The following RBM5 variants were observed in gnomAD, a reference collection of about 807,000 sequenced individuals.
RBM5 encodes RNA binding motif protein 5, also known as RNA-binding protein 5.
A neutral mutation model predicts 124.6 loss-of-function variants in RBM5; 15 were observed. The observed-to-expected ratio is 0.12, with a 90% CI of 0.08 to 0.19. RBM5 has a LOEUF of 0.19. Among genes scored for constraint, RBM5 ranks in the 10% least tolerant of loss-of-function variants. The probability of loss-of-function intolerance (pLI) is 1.00; values close to 1 mark genes in which losing one functional copy is unlikely to be tolerated. For synonymous variants in RBM5, 337 were observed against 361.2 expected, an observed-to-expected ratio of 0.93 and a Z score of 0.76; for missense variants, 580 against 1,026.5, an observed-to-expected ratio of 0.57 and a Z score of 5.94.
intron 8 of RBM5, chr3:50,104,562 G>A (rs769473661): frequency 3.0e-5 from 13 of 438,110 alleles, no homozygotes; most frequent in Non-Finnish European, 4.6e-5. Context: ...AGGATTGCTT[G>A]AGTCCAGGAG....
rs147443805 is a variant in RBM5 at position 50,106,024 on chromosome 3, A to C, written c.855+315A>C. Among the ~76,000 whole-genome samples, 386 of 147,394 alleles carry C rather than the reference A, an allele frequency of 2.6e-3. 1 individual carries two copies. Among genetic ancestry groups the C allele is most frequent in the African/African-American group, 9.4e-3 (375 of 39,780 alleles). ...CTGGAGTGCGGTGGCACCATCTCGG[A>C]TCACTGCAACCTCTGCCTCCAGGGT... is the stretch of plus-strand genomic sequence containing the variant. On this transcript the variant is annotated intron_variant, in intron 10 of 24. Transcript: ENST00000347869.
At chr3:50,112,060 CTTTTTTTTTTTT>C (rs78447913) in intron 17 of RBM5, 1 of 107,798 alleles carries the variant, frequency 9.3e-6, no homozygotes, top group African/African-American at 3.4e-5. Flanking sequence ...CCTGTCAGTT[CTTTTTTTTTTTT>C]TTTTTTTTTC....
Position 50,115,968 on chromosome 3 carries a change from A to C in RBM5, c.2082A>C (p.Leu694=). ...AGCAGGAGCTGGAAGCCTTGGAGCT[A>C]AGGGAGAGAGAGGTGAATGGGAAAC... ...LSEQELEALE[L]REREMKYRDR... The change falls in exon 22 of 25, where the codon CTA becomes CTC. Residue 694 remains leucine (L), a synonymous_variant. Coordinates refer to ENST00000347869, the MANE Select transcript of RBM5 (RefSeq NM_005778.4). 6.2e-7 allele frequency: 1 copy of C among 1,613,084 alleles called. No homozygotes were observed. The highest frequency in any genetic ancestry group is 8.5e-7 in the Non-Finnish European group (1 of 1,179,054).
Position 50,108,131 on chromosome 3 carries a change from A to G in RBM5, c.1103A>G (p.Tyr368Cys). The G allele has an allele frequency of 1.2e-6, 2 of 1,610,252 alleles. No homozygotes were observed. Among genetic ancestry groups the G allele is most frequent in the Non-Finnish European group, 1.7e-6 (2 of 1,176,482 alleles). ...YSYLQPGQDG[Y>C]AQYAQYSQDY... ...TATCTGCAACCAGGTCAAGATGGCT[A>G]TGCCCAATATGCTCAGGTAGGTAGA... The change falls in exon 13 of 25, where the codon TAT becomes TGT. Residue 368 changes from tyrosine to cysteine, a missense_variant. This residue lies in a region of RBM5 where 104 missense variants were observed against 128.7 expected (regional missense o/e 0.81). Coordinates refer to ENST00000347869, the MANE Select transcript of RBM5 (RefSeq NM_005778.4).
chr3:50,108,128 G>T lies in RBM5; in HGVS notation c.1100G>T (p.Gly367Val), dbSNP rs752261635. 6.2e-7 allele frequency: 1 copy of T among 1,610,942 alleles called. No homozygotes were observed. The highest frequency in any genetic ancestry group is 1.1e-5 in the South Asian group (1 of 91,008). ...AGTTATCTGCAACCAGGTCAAGATGGCTATGCCCAATATGCTCAGGTAGGT... is the reference window on the plus strand; with the variant it reads ...AGTTATCTGCAACCAGGTCAAGATGTCTATGCCCAATATGCTCAGGTAGGT... ...DYSYLQPGQD[G>V]YAQYAQYSQD... The change falls in exon 13 of 25, where the codon GGC becomes GTC. Residue 367 changes from glycine to valine, a missense_variant. Transcript: ENST00000347869.
In RBM5 at chr3:50,113,993, A is replaced by T; in HGVS notation, c.1661A>T (p.Gln554Leu). The part of the protein sequence containing the change: ...MERWAKSLNK[Q>L]KENFKNSFQP... ...CGCTGGGCTAAGAGTTTGAATAAGC[A>T]GAAAGAAAACTTTAAAAATAGCTTT... Residue 554 changes from glutamine to leucine, a missense_variant, in exon 19 of 25, where the codon CAG becomes CTG. Transcript: ENST00000347869. The T allele has an allele frequency of 6.2e-7, 1 of 1,614,214 alleles. No individual in the cohort carries two copies. Among genetic ancestry groups the T allele is most frequent in the African/African-American group, 1.3e-5 (1 of 75,068 alleles).
chr3:50,096,215 A>G (rs2090811598), intron 4 of RBM5, among the ~76,000 whole-genome samples: 1 of 151,886 alleles, frequency 6.6e-6, no homozygotes, highest in African/African-American at 2.4e-5. Flanking sequence ...GAGGCCGAGT[A>G]TGGTAACTCA....
At chr3:50,113,757 A>T (rs1159447513) in intron 18 of RBM5, among the ~76,000 whole-genome samples, 193 bp from the exon 19 acceptor site, 2 of 152,238 alleles carry the variant, frequency 1.3e-5, no homozygotes, top group Non-Finnish European at 2.9e-5. Context: ...TGGAAATCTC[A>T]AAGCTTTTCA....
In RBM5 at chr3:50,118,393, C is replaced by G. The variant is rs139773311; in HGVS notation, c.2385C>G (p.Gly795=). 1 of 1,614,062 alleles carries G rather than the reference C, an allele frequency of 6.2e-7. No individual in the cohort carries two copies. Among genetic ancestry groups the G allele is most frequent in the Non-Finnish European group, 8.5e-7 (1 of 1,180,016 alleles). The part of the protein sequence containing the change: ...GAKGSAYGLS[G]ADSYKDAVRK... The stretch of plus-strand genomic sequence containing the variant: ...AAGGCAGCGCATATGGTTTGTCGGG[C>G]GCCGATTCCTACAAAGATGCTGTCC... Residue 795 remains glycine (G), a synonymous_variant, in exon 25 of 25, where the codon GGC becomes GGG. Transcript: ENST00000347869.
chr3:50,090,395 T>G lies in RBM5; in HGVS notation c.-40T>G. ...CTTGTCTCCTAGAAAAAATAAAATT[T>G]GAACCTTTTGGAGCTGTGTGCTAAA... is the stretch of plus-strand genomic sequence containing the variant. On this transcript the variant is annotated 5_prime_UTR_variant, in exon 2 of 25. Coordinates refer to ENST00000347869, the MANE Select transcript of RBM5 (RefSeq NM_005778.4). 6.2e-7 allele frequency: 1 copy of G among 1,611,910 alleles called. No homozygotes were observed. The highest frequency in any genetic ancestry group is 8.5e-7 in the Non-Finnish European group (1 of 1,179,080).
chr3:50,117,193 C>T lies in RBM5; in HGVS notation c.2192+22C>T, dbSNP rs373446936. ...CTGTGTATGTGATGTGCACATTTTC[C>T]AGTTCGTAAGCTGGGGCCCTGGCTG... On this transcript the variant is annotated intron_variant, in intron 23 of 24. Coordinates refer to ENST00000347869, the MANE Select transcript of RBM5 (RefSeq NM_005778.4). The surrounding 1 kb of genome is among the most constrained non-coding windows in gnomAD (Gnocchi z 4.2). The T allele has an allele frequency of 3.7e-6, 6 of 1,614,188 alleles. No individual in the cohort carries two copies. The highest frequency in any genetic ancestry group is 5.1e-6 in the Non-Finnish European group (6 of 1,180,034).
rs1194661311 is a variant in RBM5, at chr3:50,117,691, G to C, written c.2322+312G>C. On this transcript the variant is annotated intron_variant, in intron 24 of 24. Transcript: ENST00000347869. The surrounding 1 kb of genome is among the most constrained non-coding windows in gnomAD (Gnocchi z 4.2). The stretch of plus-strand genomic sequence containing the variant: ...AGCTAGTCAGGAAGCTGAGGCAGGA[G>C]AATTGCTAGAACCTGGCAGGAGGAG... The C allele has an allele frequency of 4.5e-6, 1 of 223,852 alleles. No homozygotes were observed. The highest frequency in any genetic ancestry group is 9.0e-6 in the Non-Finnish European group (1 of 111,078). 13.9% of individuals were successfully genotyped at this position (223,852 alleles called of 1,614,324 possible).
At chr3:50,111,245 A>T (rs2109013453) in intron 17 of RBM5, among the ~76,000 whole-genome samples, 1 of 152,340 alleles carries the variant, frequency 6.6e-6, no homozygotes. Context: ...TTTAGAGTGT[A>T]CAAATCAGTG....
intron 6 of RBM5, chr3:50,101,919 TA>T (rs1316077857): frequency 6.6e-6 from 1 of 152,220 alleles, no homozygotes; most frequent in African/African-American, 2.4e-5. Flanking sequence ...CCAGCTTTTT[TA>T]TTTTTGCTTC....
At chr3:50,105,852 C>T (rs1270662313) in intron 10 of RBM5, 143 bp downstream of exon 10, 3 of 862,406 alleles carry the variant, frequency 3.5e-6, no homozygotes, top group Admixed American at 2.9e-5. Context: ...TGCTAAATTA[C>T]AGGACTGATG....
At chr3:50,096,975 A>T (rs2108992261) in intron 4 of RBM5, among the ~76,000 whole-genome samples, 1 of 152,282 alleles carries the variant, frequency 6.6e-6, no homozygotes, top group East Asian at 1.9e-4. Flanking sequence ...CTGAATCTAG[A>T]TAAGGCCTAG....
intron 12 of RBM5, 111 bp downstream of exon 12, chr3:50,107,680 T>TTTTTTTTTTTTTTTTTTTTTTG (rs2091062822): frequency 2.2e-6 from 1 of 448,704 alleles, no homozygotes; most frequent in Non-Finnish European, 3.6e-6. Flanking sequence ...TTCTTTTTTT[T>TTTTTTTTTTTTTTTTTTTTTTG]TTTTTTTTTT....
chr3:50,105,949 T>C (rs907194778), intron 10 of RBM5, among the ~76,000 whole-genome samples: 1 of 151,832 alleles, frequency 6.6e-6, no homozygotes, highest in Non-Finnish European at 1.5e-5. Context: ...GGTACTTTGT[T>C]TTTTGTTGTT....
chr3:50,089,439 G>A (rs901278989), intron 1 of RBM5, among the ~76,000 whole-genome samples: 3 of 152,222 alleles, frequency 2.0e-5, no homozygotes, highest in African/African-American at 7.2e-5. Context: ...TGCGGGTTTG[G>A]AACCTCTTGG....
Sources: gnomAD v4.1 joint callset for allele counts (sites outside exome capture counted in the v4.1 genomes callset) on GRCh38, gnomAD v4.1.1 for gene constraint, gnomAD v4.1.1 regional missense constraint, Gnocchi (gnomAD v3.1) non-coding constraint, MANE v1.5 for transcripts, NCBI Gene and HGNC (gene_info 2026-07-23, HGNC 2026-07-21) for gene names.